Variants in EPB41L4A observed in about 807,000 individuals in gnomAD.
EPB41L4A encodes erythrocyte membrane protein band 4.1 like 4A, also known as band 4.1-like protein 4A.
In EPB41L4A, 100 loss-of-function variants were observed where a neutral mutation model predicts 108.6. The ratio of observed to expected loss-of-function variants is 0.92; its 90% CI spans 0.78 to 1.09. The LOEUF is 1.09. Ranked by LOEUF, EPB41L4A falls within the 50% of genes least tolerant of loss-of-function variation. The pLI is 0.00. For missense variants in EPB41L4A, 1,030 were observed against 842.7 expected (o/e 1.22, Z -2.75); for synonymous variants, 319 against 289.0 (o/e 1.10, Z -1.05).
intron 15 of EPB41L4A, chr5:112,196,819 C>A (rs1298327209): frequency 6.6e-6 from 1 of 152,284 alleles, no homozygotes; most frequent in African/African-American, 2.4e-5. Flanking sequence ...GTTCAGCAAT[C>A]CTGCCACTTT....
intron 2 of EPB41L4A, among the ~76,000 whole-genome samples, chr5:112,281,588 A>G (rs2056585): frequency 3.3e-5 from 5 of 151,956 alleles, no homozygotes; most frequent in African/African-American, 4.8e-5. Flanking sequence ...CGTGCTCCTT[A>G]ATGAAGAAGG....
chr5:112,296,545 G>T (rs1339224459), intron 2 of EPB41L4A, among the ~76,000 whole-genome samples: 1 of 152,102 alleles, frequency 6.6e-6, no homozygotes, highest in Admixed American at 6.5e-5. Context: ...TAATTGGAAA[G>T]AAAAAGTCCC....
intron 1 of EPB41L4A, among the ~76,000 whole-genome samples, chr5:112,402,820 T>C (rs1418837940): frequency 1.3e-5 from 2 of 152,172 alleles, no homozygotes; most frequent in Non-Finnish European, 2.9e-5. Flanking sequence ...AGTACCTCAA[T>C]TTTCATACTT....
rs748314987 is a variant in EPB41L4A, at chr5:112,266,306, C to G, written c.360G>C (p.Lys120Asn). The G allele has an allele frequency of 5.0e-6, 8 of 1,606,648 alleles. No individual in the cohort carries two copies. The highest frequency in any genetic ancestry group is 6.8e-6 in the Non-Finnish European group (8 of 1,176,762). Residue 120 changes from lysine to asparagine, a missense_variant, in exon 5 of 23, where the codon AAG (lysine) becomes AAC (asparagine). Lys to Asn is a moderately conservative substitution (Grantham distance 94). Coordinates refer to ENST00000261486, the MANE Select transcript of EPB41L4A (RefSeq NM_022140.5). ...GCAGACGGCCCTGAAGGACATCTTG[C>G]TTCACCTGCAAGAAAAACTGATATC... ...ITRYQFFLQV[K>N]QDVLQGRLPC...
intron 11 of EPB41L4A, among the ~76,000 whole-genome samples, chr5:112,237,217 G>A (rs982582779): frequency 3.3e-5 from 5 of 152,076 alleles, no homozygotes; most frequent in African/African-American, 1.2e-4. Flanking sequence ...ATTGGTCCCT[G>A]GTAATAAAAC....
chr5:112,224,646 CT>C (rs201539276), intron 12 of EPB41L4A, among the ~76,000 whole-genome samples: 1 of 152,042 alleles, frequency 6.6e-6, no homozygotes, highest in African/African-American at 2.4e-5. Flanking sequence ...CTTTCACACT[CT>C]TTTTTTTAAG....
At chr5:112,312,087 G>A (rs1223822353) in intron 1 of EPB41L4A, among the ~76,000 whole-genome samples, 1 of 152,158 alleles carries the variant, frequency 6.6e-6, no homozygotes, top group African/African-American at 2.4e-5. Context: ...TCTGTGTCCA[G>A]CAGAAATGTT....
At chr5:112,303,344 G>C (rs1580645123) in intron 2 of EPB41L4A, among the ~76,000 whole-genome samples, 1 of 152,156 alleles carries the variant, frequency 6.6e-6, no homozygotes, top group South Asian at 2.1e-4. Context: ...CGGGGGCAGG[G>C]AAGAGAATAC....
upstream of EPB41L4A, chr5:112,419,681 C>A (rs2112864703): frequency 2.2e-6 from 1 of 456,638 alleles, no homozygotes; most frequent in Non-Finnish European, 4.4e-6. Context: ...AAGGTCGTCG[C>A]TCCGTCCGCT....
At chr5:112,220,663 C>G (rs1033773528) in intron 12 of EPB41L4A, among the ~76,000 whole-genome samples, 13 of 152,302 alleles carry the variant, frequency 8.5e-5, no homozygotes, top group African/African-American at 2.9e-4. Flanking sequence ...CACGCTACCC[C>G]AAACTATAAC....
chr5:112,170,187 G>A (rs1358429046), intron 20 of EPB41L4A, 114 bp downstream of exon 20: 1 of 1,019,458 alleles, frequency 9.8e-7, no homozygotes, highest in Non-Finnish European at 1.5e-6. Context: ...ACCTAGTTTT[G>A]TTTAAAATGT....
intron 22 of EPB41L4A, among the ~76,000 whole-genome samples, chr5:112,165,575 G>C (rs1201487221): frequency 6.6e-6 from 1 of 152,130 alleles, no homozygotes; most frequent in African/African-American, 2.4e-5. Context: ...CTCATTACCA[G>C]AGCCTGGGCA....
At chr5:112,327,845 A>G (rs1376615452) in intron 1 of EPB41L4A, among the ~76,000 whole-genome samples, 1 of 152,226 alleles carries the variant, frequency 6.6e-6, no homozygotes. Flanking sequence ...GAACTGGATT[A>G]GCAATGGGGT....
At chr5:112,275,785 C>G (rs1752593655) in intron 3 of EPB41L4A, among the ~76,000 whole-genome samples, 1 of 151,964 alleles carries the variant, frequency 6.6e-6, no homozygotes, top group African/African-American at 2.4e-5. Context: ...AGTTTTTAAA[C>G]CTATCTGCAA....
chr5:112,332,090 G>T (rs1756610199), intron 1 of EPB41L4A, among the ~76,000 whole-genome samples: 2 of 152,222 alleles, frequency 1.3e-5, no homozygotes, highest in Non-Finnish European at 2.9e-5. Flanking sequence ...AAGAAGGAAA[G>T]CAAAGGTTAT....
At chr5:112,204,765 A>T (rs1440807330) in intron 14 of EPB41L4A, 1 of 291,486 alleles carries the variant, frequency 3.4e-6, no homozygotes, top group Admixed American at 4.2e-5. Flanking sequence ...CAATTCATAC[A>T]TATGATGAAT....
downstream of EPB41L4A, chr5:112,142,306 C>T (rs1759099403): frequency 6.6e-6 from 1 of 152,152 alleles, no homozygotes; most frequent in Admixed American, 6.5e-5. Context: ...TTTCATTCAC[C>T]ATCTTCTGGC....
At chr5:112,197,578 T>A (rs1436305630) in intron 15 of EPB41L4A, among the ~76,000 whole-genome samples, 2 of 152,202 alleles carry the variant, frequency 1.3e-5, no homozygotes, top group African/African-American at 4.8e-5. Flanking sequence ...CATGTACATA[T>A]CACTTGCTTA....
intron 1 of EPB41L4A, among the ~76,000 whole-genome samples, chr5:112,377,215 G>GAAAAAAA (rs576720562): frequency 4.2e-4 from 43 of 101,718 alleles, no homozygotes; most frequent in African/African-American, 1.2e-3. Flanking sequence ...CTGTTTGTTT[G>GAAAAAAA]AAAAAAAAAA....
Sources: gnomAD v4.1 joint callset for allele counts (sites outside exome capture counted in the v4.1 genomes callset) on GRCh38, gnomAD v4.1.1 for gene constraint, MANE v1.5 for transcripts, NCBI Gene and HGNC (gene_info 2026-07-23, HGNC 2026-07-21) for gene names.